Variants in SLC16A7 observed in about 807,000 individuals in gnomAD.
SLC16A7 encodes the protein monocarboxylate transporter 2.
Under a neutral mutation model 34.9 loss-of-function variants are expected in SLC16A7, and 33 were observed. The ratio of observed to expected loss-of-function variants is 0.94; its 90% CI spans 0.72 to 1.26. The LOEUF (loss-of-function observed/expected upper bound fraction) is 1.26, where lower values mean the gene tolerates loss of function less well. SLC16A7 is among the 50% of genes most tolerant of loss of function. The pLI, the probability that SLC16A7 is intolerant of heterozygous loss-of-function variation, is 0.00. For missense variants in SLC16A7, 573 were observed against 578.1 expected, an observed-to-expected ratio of 0.99 and a Z score of 0.09; for synonymous variants, 201 against 206.6, an observed-to-expected ratio of 0.97 and a Z score of 0.23.
At chr12:59,626,764 G>T (rs930347235) in intron 1 of SLC16A7, among the ~76,000 whole-genome samples, 2 of 151,774 alleles carry the variant, frequency 1.3e-5, no homozygotes, top group Non-Finnish European at 2.9e-5. Flanking sequence ...CAGGCTCACA[G>T]CAGATGACAA....
chr12:59,708,075 T>C (rs1592543186), intron 3 of SLC16A7, among the ~76,000 whole-genome samples: 1 of 152,160 alleles, frequency 6.6e-6, no homozygotes, highest in East Asian at 1.9e-4. Flanking sequence ...TTGGCACATT[T>C]AAAATTATAA....
At chr12:59,746,104 C>T (rs1878861803) in intron 3 of SLC16A7, among the ~76,000 whole-genome samples, 1 of 152,166 alleles carries the variant, frequency 6.6e-6, no homozygotes. Context: ...TTGGTTACTT[C>T]TTTGTGTCCA....
chr12:59,728,909 C>T (rs1876607654), intron 3 of SLC16A7, among the ~76,000 whole-genome samples: 1 of 152,158 alleles, frequency 6.6e-6, no homozygotes, highest in Non-Finnish European at 1.5e-5. Context: ...AGTTTATTAA[C>T]TTCTTAAGTG....
chr12:59,756,132 T>C (rs557331180), intron 3 of SLC16A7, among the ~76,000 whole-genome samples: 1 of 152,296 alleles, frequency 6.6e-6, no homozygotes, highest in East Asian at 1.9e-4. Flanking sequence ...TCTTAAACGT[T>C]AGACCTAAAA....
chr12:59,710,948 G>A (rs192156657), intron 3 of SLC16A7, among the ~76,000 whole-genome samples: 54 of 152,284 alleles, frequency 3.5e-4, no homozygotes, highest in Admixed American at 2.7e-3. Flanking sequence ...GTTTCTTCCA[G>A]AGGGCAGCTT....
chr12:59,692,321 C>T (rs1200750132), intron 2 of SLC16A7, among the ~76,000 whole-genome samples: 1 of 151,970 alleles, frequency 6.6e-6, no homozygotes, highest in South Asian at 2.1e-4. Context: ...TTTATACACT[C>T]TTTTGCCATA....
chr12:59,696,235 C>T (rs1430556921), intron 2 of SLC16A7, among the ~76,000 whole-genome samples: 1 of 151,268 alleles, frequency 6.6e-6, no homozygotes, highest in Non-Finnish European at 1.5e-5. Context: ...TCATTTTAGT[C>T]ATATCTTAGT....
intron 3 of SLC16A7, among the ~76,000 whole-genome samples, chr12:59,739,874 C>A (rs1034095637): frequency 2.6e-5 from 4 of 152,216 alleles, no homozygotes; most frequent in African/African-American, 4.8e-5. Flanking sequence ...GTCCTTCACC[C>A]ACTTTTTGAT....
intron 2 of SLC16A7, among the ~76,000 whole-genome samples, chr12:59,671,338 T>C (rs1011293850): frequency 6.6e-6 from 1 of 152,168 alleles, no homozygotes; most frequent in Non-Finnish European, 1.5e-5. Flanking sequence ...TGAATTCCAT[T>C]CTATGAATAT....
At chr12:59,758,090 T>G (rs904309453) in intron 3 of SLC16A7, among the ~76,000 whole-genome samples, 5 of 152,008 alleles carry the variant, frequency 3.3e-5, no homozygotes, top group Non-Finnish European at 7.4e-5. Flanking sequence ...GGACCAATCC[T>G]CCATGCATTC....
intron 2 of SLC16A7, among the ~76,000 whole-genome samples, chr12:59,680,673 C>G (rs972671566): frequency 6.6e-6 from 1 of 152,032 alleles, no homozygotes; most frequent in Non-Finnish European, 1.5e-5. Context: ...CTCATTGCCT[C>G]TCTCCTCTAC....
At chr12:59,733,607 G>A (rs925420910) in intron 3 of SLC16A7, 9 of 419,886 alleles carry the variant, frequency 2.1e-5, no homozygotes, top group African/African-American at 1.4e-4. Context: ...TAGACCTAAG[G>A]GCTTCCCAAA....
chr12:59,671,274 T>C (rs914848740), intron 2 of SLC16A7, among the ~76,000 whole-genome samples: 2 of 152,198 alleles, frequency 1.3e-5, no homozygotes, highest in African/African-American at 2.4e-5. Context: ...TAATAATATG[T>C]TTGAAATGAT....
intron 1 of SLC16A7, among the ~76,000 whole-genome samples, chr12:59,607,339 C>T (rs542987264): frequency 9.2e-5 from 14 of 152,150 alleles, no homozygotes; most frequent in South Asian, 8.3e-4. Flanking sequence ...CAAAAGTACA[C>T]CAATAGATAA....
intron 2 of SLC16A7, among the ~76,000 whole-genome samples, chr12:59,658,917 A>G (rs566083954): frequency 6.6e-6 from 1 of 152,178 alleles, no homozygotes; most frequent in East Asian, 1.9e-4. Flanking sequence ...AAATTTGCTA[A>G]TGTGTCTATA....
At chr12:59,729,419 C>T (rs1462652027) in intron 3 of SLC16A7, among the ~76,000 whole-genome samples, 1 of 152,128 alleles carries the variant, frequency 6.6e-6, no homozygotes, top group African/African-American at 2.4e-5. Flanking sequence ...GGTTTCCCTG[C>T]CTCTCTCTCT....
intron 3 of SLC16A7, among the ~76,000 whole-genome samples, chr12:59,735,639 A>G (rs1189414330): frequency 6.6e-6 from 1 of 152,160 alleles, no homozygotes; most frequent in Non-Finnish European, 1.5e-5. Flanking sequence ...ACAATATATC[A>G]TGCACTTCAC....
chr12:59,766,528 A>T (rs1353979596), intron 3 of SLC16A7, among the ~76,000 whole-genome samples: 11 of 151,540 alleles, frequency 7.3e-5, no homozygotes, highest in African/African-American at 2.4e-4. Flanking sequence ...TTATTGAGAG[A>T]TTTTAGCATG....
At chr12:59,694,897 G>A (rs1251251373) in intron 2 of SLC16A7, among the ~76,000 whole-genome samples, 2 of 151,928 alleles carry the variant, frequency 1.3e-5, no homozygotes, top group East Asian at 3.9e-4. Context: ...TAACTGTCAA[G>A]CAGAGTCTTC....
Sources: gnomAD v4.1 joint callset for allele counts (sites outside exome capture counted in the v4.1 genomes callset) on GRCh38, gnomAD v4.1.1 for gene constraint, MANE v1.5 for transcripts, NCBI Gene and HGNC (gene_info 2026-07-23, HGNC 2026-07-21) for gene names.